Variants in GNA13 observed in about 807,000 individuals in gnomAD.
The protein encoded by GNA13 is guanine nucleotide-binding protein subunit alpha-13.
A neutral mutation model predicts 33.5 loss-of-function variants in GNA13; 4 were observed. The ratio of observed to expected loss-of-function variants is 0.12; its 90% CI spans 0.06 to 0.27. The LOEUF (loss-of-function observed/expected upper bound fraction) is 0.27. Ranked by LOEUF, GNA13 falls within the 10% of genes least tolerant of loss-of-function variation. GNA13 has a pLI of 1.00. For synonymous variants in GNA13, 176 were observed against 183.8 expected (o/e 0.96, Z 0.34); for missense variants, 319 against 487.2 (o/e 0.65, Z 3.25).
intron 2 of GNA13, among the ~76,000 whole-genome samples, chr17:65,037,414 G>GCCAT (rs900526974): frequency 1.3e-5 from 2 of 152,102 alleles, no homozygotes; most frequent in Non-Finnish European, 2.9e-5. Flanking sequence ...GGCACCTGCT[G>GCCAT]CCATAGTCAG....
At position 65,010,935 on chromosome 17, in the gene GNA13, A is replaced by G. The variant is rs1598475736; in HGVS notation, c.*3322T>C. The G allele has an allele frequency of 5.0e-6, 1 of 201,820 alleles. No individual in the cohort carries two copies. The highest frequency in any genetic ancestry group is 2.3e-5 in the African/African-American group (1 of 43,530). 12.5% of individuals were successfully genotyped at this position (201,820 alleles called of 1,614,324 possible). On this transcript the variant is annotated 3_prime_UTR_variant, in exon 4 of 4. Coordinates refer to ENST00000439174, the MANE Select transcript of GNA13 (RefSeq NM_006572.6). The stretch of plus-strand genomic sequence containing the variant: ...ATTATATAATGAAAGCACCAATTTG[A>G]GGGTTTCTCAAATAGTGATTTGAAT...
intron 2 of GNA13, among the ~76,000 whole-genome samples, chr17:65,026,436 T>G (rs1906787251): frequency 6.6e-6 from 1 of 152,228 alleles, no homozygotes; most frequent in Non-Finnish European, 1.5e-5. Context: ...ATGTAAGACT[T>G]TCCATTAAAA....
At chr17:65,043,719 T>C (rs148948500) in intron 2 of GNA13, among the ~76,000 whole-genome samples, 2 of 152,118 alleles carry the variant, frequency 1.3e-5, no homozygotes, top group East Asian at 3.9e-4. Context: ...TGATAAAAAA[T>C]GAAAACAAGA....
At chr17:65,053,831 G>T in intron 1 of GNA13, 103 bp from the exon 2 acceptor site, 1 of 721,332 alleles carries the variant, frequency 1.4e-6, no homozygotes, top group Non-Finnish European at 2.3e-6. Flanking sequence ...AATTAACCTA[G>T]ACAAACCTTC....
intron 2 of GNA13, among the ~76,000 whole-genome samples, chr17:65,028,537 T>G (rs1229790719): frequency 6.6e-6 from 1 of 152,078 alleles, no homozygotes; most frequent in Non-Finnish European, 1.5e-5. Flanking sequence ...ATAATTTTCC[T>G]AAATGGTAGC....
chr17:65,014,552 A>C lies in GNA13; in HGVS notation c.839T>G (p.Val280Gly). ...CAGAATTATGGAGACATTGCTGAAA[A>C]CCCGGTTATTGACGATTGTTTCAAA... ...NIFETIVNNR[V>G]FSNVSIILFL... Residue 280 changes from valine to glycine, a missense_variant, in exon 4 of 4, where the codon GTT becomes GGT. Physicochemically the swap from Val to Gly is moderately radical, Grantham distance 109. Coordinates refer to ENST00000439174, the MANE Select transcript of GNA13 (RefSeq NM_006572.6). The surrounding 1 kb of genome is among the most constrained non-coding windows in gnomAD (Gnocchi z 5.3). 6.2e-7 allele frequency: 1 copy of C among 1,613,958 alleles called. No individual in the cohort carries two copies. Among genetic ancestry groups the C allele is most frequent in the Non-Finnish European group, 8.5e-7 (1 of 1,179,970 alleles).
At chr17:65,046,724 C>T (rs1176665434) in intron 2 of GNA13, among the ~76,000 whole-genome samples, 1 of 152,206 alleles carries the variant, frequency 6.6e-6, no homozygotes, top group Non-Finnish European at 1.5e-5. Flanking sequence ...GTTAGGTCCA[C>T]GCTCTAGGTA....
Position 65,012,659 on chromosome 17 carries a change from TCAGA to T in GNA13, c.*1594_*1597del, listed in dbSNP as rs139410381. On this transcript the variant is annotated 3_prime_UTR_variant, in exon 4 of 4. Coordinates refer to ENST00000439174, the MANE Select transcript of GNA13 (RefSeq NM_006572.6). ...TTCACTGAAAAGCCCCACTCTCGTA[TCAGA>T]CAGCAAGACAGAACAACAGCCACTG... 8.4e-3 allele frequency: 1,932 copies of T among 230,350 alleles called. 41 individuals carry two copies. Among genetic ancestry groups the T allele is most frequent in the African/African-American group, 0.04 (1,790 of 45,232 alleles). The allele number at this position is 230,350 out of a possible 1,614,324, so 14.3% of individuals were successfully genotyped here.
chr17:65,029,175 G>A (rs982881091), intron 2 of GNA13, among the ~76,000 whole-genome samples: 2 of 152,218 alleles, frequency 1.3e-5, no homozygotes, highest in African/African-American at 4.8e-5. Context: ...AATTAGCTAT[G>A]CAGTTAGCAT....
intron 3 of GNA13, among the ~76,000 whole-genome samples, chr17:65,015,662 TAAAAAAAAAAAAA>T (rs59210481): frequency 2.7e-5 from 2 of 74,702 alleles, no homozygotes; most frequent in African/African-American, 5.7e-5. Flanking sequence ...GACTTTGTCT[TAAAAAAAAAAAAA>T]AAAAAAAAAA....
At chr17:65,021,394 C>T (rs563163979) in intron 2 of GNA13, among the ~76,000 whole-genome samples, 2 of 152,302 alleles carry the variant, frequency 1.3e-5, no homozygotes, top group East Asian at 1.9e-4. Flanking sequence ...TATAAACATC[C>T]TTTGCTTGTA....
intron 2 of GNA13, among the ~76,000 whole-genome samples, chr17:65,021,137 T>C (rs1317130395): frequency 6.6e-6 from 1 of 152,212 alleles, no homozygotes; most frequent in African/African-American, 2.4e-5. Flanking sequence ...TGTTCCAATA[T>C]TTCTTTAGCC....
chr17:65,021,783 A>G (rs1041996373), intron 2 of GNA13, among the ~76,000 whole-genome samples: 3 of 152,280 alleles, frequency 2.0e-5, no homozygotes, highest in Non-Finnish European at 2.9e-5. Context: ...AGTCTGATTC[A>G]TGCCTTAAGA....
At chr17:65,042,298 C>T (rs1907484656) in intron 2 of GNA13, among the ~76,000 whole-genome samples, 1 of 150,910 alleles carries the variant, frequency 6.6e-6, no homozygotes, top group Non-Finnish European at 1.5e-5. Flanking sequence ...GCAGAGGTTG[C>T]CATGAGCTGA....
At chr17:65,044,305 T>C (rs1406358684) in intron 2 of GNA13, among the ~76,000 whole-genome samples, 1 of 152,234 alleles carries the variant, frequency 6.6e-6, no homozygotes, top group Non-Finnish European at 1.5e-5. Flanking sequence ...CTCATTCTAA[T>C]ACTGCTCTGC....
intron 2 of GNA13, among the ~76,000 whole-genome samples, chr17:65,044,793 A>G (rs1598497271): frequency 1.3e-5 from 2 of 152,342 alleles, no homozygotes; most frequent in South Asian, 4.1e-4. Flanking sequence ...CTGTAATCCC[A>G]ACATTTTGGG....
chr17:65,018,708 T>C (rs970054556), intron 2 of GNA13, among the ~76,000 whole-genome samples: 3 of 152,212 alleles, frequency 2.0e-5, no homozygotes, highest in East Asian at 1.9e-4. Flanking sequence ...ATAGTGACGA[T>C]AGTTATCTTC....
intron 2 of GNA13, among the ~76,000 whole-genome samples, chr17:65,035,073 C>T (rs897784461): frequency 5.3e-5 from 8 of 152,178 alleles, no homozygotes; most frequent in South Asian, 2.1e-4. Flanking sequence ...GCATGAGCCA[C>T]GGTACTTAAC....
intron 2 of GNA13, among the ~76,000 whole-genome samples, chr17:65,046,065 C>T (rs1195885794): frequency 1.3e-5 from 2 of 152,200 alleles, no homozygotes; most frequent in Non-Finnish European, 2.9e-5. Context: ...TCTGAGTCTC[C>T]ATTTTTTAAT....
Sources: allele counts gnomAD v4.1 joint callset (sites outside exome capture counted in the v4.1 genomes callset), GRCh38; gene constraint gnomAD v4.1.1; non-coding constraint Gnocchi (gnomAD v3.1); transcripts MANE v1.5; gene names NCBI Gene and HGNC (gene_info 2026-07-23, HGNC 2026-07-21).